Variants in CEP63 observed in about 807,000 individuals in gnomAD.
The protein encoded by CEP63 is centrosomal protein 63, also known as centrosomal protein of 63 kDa.
CEP63 carries 84 observed loss-of-function variants against 89.1 expected under a neutral mutation model. The ratio of observed to expected loss-of-function variants is 0.94; its 90% confidence interval spans 0.79 to 1.13. CEP63 has a LOEUF of 1.13. CEP63 is among the 50% of genes most tolerant of loss of function. The pLI, the probability that CEP63 is intolerant of heterozygous loss-of-function variation, is 0.00. For synonymous variants in CEP63, 267 were observed against 272.5 expected (o/e 0.98, Z 0.20); for missense variants, 838 against 813.3 (o/e 1.03, Z -0.37).
the CEP63 span, among the ~76,000 whole-genome samples, chr3:134,604,671 C>T: frequency 1.3e-5 from 2 of 152,204 alleles, no homozygotes; most frequent in South Asian, 4.1e-4. Context: ...CAGCCAGCGG[C>T]AGCACACCGC....
intron 10 of CEP63, among the ~76,000 whole-genome samples, chr3:134,582,338 T>TC (rs1958378979): frequency 2.7e-5 from 4 of 148,676 alleles, no homozygotes; most frequent in African/African-American, 9.8e-5. Context: ...CAGTCCCCCA[T>TC]TCCCCTACAG....
the CEP63 span, among the ~76,000 whole-genome samples, chr3:134,595,172 T>A: frequency 3.3e-5 from 5 of 152,170 alleles, no homozygotes; most frequent in Non-Finnish European, 7.4e-5. Flanking sequence ...AATTTAATCA[T>A]GGGGGTGGTT....
intron 3 of CEP63, among the ~76,000 whole-genome samples, chr3:134,519,126 A>ATT: frequency 6.7e-6 from 1 of 148,436 alleles, no homozygotes; most frequent in African/African-American, 2.5e-5. Flanking sequence ...TATTAAATTG[A>ATT]TTTTTTTTTT....
chr3:134,738,288 A>ACACACC, the CEP63 span, among the ~76,000 whole-genome samples: 27 of 141,344 alleles, frequency 1.9e-4, 1 homozygote, highest in African/African-American at 4.9e-4. Context: ...ACACACACAC[A>ACACACC]CCACAATATC....
chr3:134,782,245 T>C, the CEP63 span, among the ~76,000 whole-genome samples: 1 of 152,224 alleles, frequency 6.6e-6, no homozygotes, highest in Admixed American at 6.5e-5. Context: ...CCTAACATCA[T>C]TCAGGAAATA....
At chr3:134,585,715 G>T (rs1445696715) in intron 10 of CEP63, among the ~76,000 whole-genome samples, 1 of 152,112 alleles carries the variant, frequency 6.6e-6, no homozygotes, top group Non-Finnish European at 1.5e-5. Context: ...GGTCTGCTTG[G>T]TGCAGAGCTG....
At chr3:134,679,550 T>C in the CEP63 span, among the ~76,000 whole-genome samples, 1 of 152,214 alleles carries the variant, frequency 6.6e-6, no homozygotes, top group African/African-American at 2.4e-5. Context: ...GTTTTTCTCT[T>C]TAAGAACATA....
the CEP63 span, among the ~76,000 whole-genome samples, chr3:134,730,498 AT>A: frequency 6.6e-6 from 1 of 152,218 alleles, no homozygotes; most frequent in African/African-American, 2.4e-5. Context: ...AAATATGTTC[AT>A]TGTAAGAAAA....
the CEP63 span, among the ~76,000 whole-genome samples, chr3:134,728,294 A>G: frequency 2.0e-5 from 3 of 152,198 alleles, no homozygotes; most frequent in Non-Finnish European, 4.4e-5. Context: ...CAAATTGGAA[A>G]TGTGATTTCA....
the CEP63 span, among the ~76,000 whole-genome samples, chr3:134,715,674 T>C: frequency 6.6e-6 from 1 of 152,100 alleles, no homozygotes; most frequent in Non-Finnish European, 1.5e-5. Context: ...AAAGAGGGCT[T>C]TGGCCCCAAA....
the CEP63 span, chr3:134,628,213 A>G: frequency 1.3e-3 from 263 of 200,646 alleles, no homozygotes; most frequent in South Asian, 1.5e-3. Context: ...GGATGGAAAC[A>G]AAGATGCAGG....
At chr3:134,608,431 C>T in the CEP63 span, 2 of 1,506,630 alleles carry the variant, frequency 1.3e-6, no homozygotes, top group East Asian at 2.6e-5. Flanking sequence ...AGCTTTTGTC[C>T]CTGCTGATGT....
chr3:134,518,814 C>T (rs574407526), intron 3 of CEP63, among the ~76,000 whole-genome samples: 16 of 151,668 alleles, frequency 1.1e-4, no homozygotes, highest in Admixed American at 2.0e-4. Context: ...AAGATAAGAA[C>T]AGAAACTAAT....
the CEP63 span, among the ~76,000 whole-genome samples, chr3:134,740,538 C>A: frequency 6.6e-6 from 1 of 152,206 alleles, no homozygotes; most frequent in East Asian, 1.9e-4. Context: ...ACCTCGTGAT[C>A]CGCCCGCCTT....
At chr3:134,745,990 A>G in the CEP63 span, among the ~76,000 whole-genome samples, 1 of 150,866 alleles carries the variant, frequency 6.6e-6, no homozygotes, top group Non-Finnish European at 1.5e-5. Context: ...ATATGTATAC[A>G]TGTGCCATGT....
At chr3:134,556,796 T>C (rs1205323600) in intron 12 of CEP63, among the ~76,000 whole-genome samples, 2 of 152,220 alleles carry the variant, frequency 1.3e-5, no homozygotes, top group African/African-American at 2.4e-5. Flanking sequence ...GTTTTCATAT[T>C]ACCTTTCATA....
intron 12 of CEP63, chr3:134,552,501 C>G (rs2109905983): frequency 6.5e-6 from 1 of 153,348 alleles, no homozygotes; most frequent in East Asian, 1.9e-4. Flanking sequence ...CCGTGCTCGG[C>G]CAGGAAGGTA....
chr3:134,698,982 T>C, the CEP63 span, among the ~76,000 whole-genome samples: 2 of 152,154 alleles, frequency 1.3e-5, no homozygotes, highest in Non-Finnish European at 2.9e-5. Flanking sequence ...CTGTACTTCA[T>C]TGGAGAGGAA....
At chr3:134,742,678 G>A in the CEP63 span, among the ~76,000 whole-genome samples, 5 of 152,276 alleles carry the variant, frequency 3.3e-5, no homozygotes, top group East Asian at 1.9e-4. Flanking sequence ...GGAAGGTGGG[G>A]CCTTAACATA....
Sources: allele counts gnomAD v4.1 joint callset (sites outside exome capture counted in the v4.1 genomes callset), GRCh38; gene constraint gnomAD v4.1.1; transcripts MANE v1.5; gene names NCBI Gene and HGNC (gene_info 2026-07-23, HGNC 2026-07-21).